Variants in ASTN2 observed in about 807,000 individuals in gnomAD.
The protein encoded by ASTN2 is astrotactin 2.
ASTN2 carries 54 observed loss-of-function variants against 139.8 expected under a neutral mutation model. The ratio of observed to expected loss-of-function variants is 0.39; its 90% CI spans 0.31 to 0.48. ASTN2 has a LOEUF of 0.48. Among genes scored for constraint, ASTN2 ranks in the 20% least tolerant of loss-of-function variants. The probability of loss-of-function intolerance (pLI) is 0.95; values close to 1 mark genes in which losing one functional copy is unlikely to be tolerated. For synonymous variants in ASTN2, 756 were observed against 719.5 expected (o/e 1.05, Z -0.81); for missense variants, 1,565 against 1,725.1 (o/e 0.91, Z 1.64).
intron 19 of ASTN2, among the ~76,000 whole-genome samples, chr9:116,495,841 G>C (rs550095203): frequency 2.0e-4 from 30 of 152,152 alleles, no homozygotes; most frequent in African/African-American, 7.2e-4. Context: ...GAATTCACGG[G>C]GTATCTCCAG....
chr9:116,733,467 G>C lies in ASTN2; in HGVS notation c.2453C>G (p.Pro818Arg). Reference protein sequence around the residue: ...PQLADGLLVIPLPVEEQCRGV... With the variant: ...PQLADGLLVIRLPVEEQCRGV... ...CCGGCACTGCTCCTCCACCGGCAGC[G>C]GGATCACCAACAGCCCATCGGCCAG... Residue 818 changes from proline to arginine, a missense_variant, in exon 14 of 23, where the codon CCG becomes CGG. Physicochemically the swap from Pro to Arg is moderately radical, Grantham distance 103. Coordinates refer to ENST00000313400, the MANE Select transcript of ASTN2 (RefSeq NM_001365068.1). The C allele has an allele frequency of 6.2e-7, 1 of 1,614,200 alleles. No homozygotes were observed. Among genetic ancestry groups the C allele is most frequent in the Non-Finnish European group, 8.5e-7 (1 of 1,180,036 alleles).
intron 17 of ASTN2, 130 bp downstream of exon 17, chr9:116,651,398 T>C (rs1857904636): frequency 2.8e-6 from 3 of 1,061,526 alleles, no homozygotes; most frequent in Non-Finnish European, 2.7e-6. Flanking sequence ...AATCAATAAA[T>C]GCTAGTAATC....
At chr9:116,766,996 A>C (rs746841044) in intron 13 of ASTN2, among the ~76,000 whole-genome samples, 5 of 152,112 alleles carry the variant, frequency 3.3e-5, no homozygotes, top group Non-Finnish European at 5.9e-5. Flanking sequence ...ATTGATAGTC[A>C]CACAAACACA....
chr9:117,332,253 T>C (rs1167366942), intron 1 of ASTN2, among the ~76,000 whole-genome samples: 1 of 152,212 alleles, frequency 6.6e-6, no homozygotes, highest in East Asian at 1.9e-4. Flanking sequence ...CTTTATAGCA[T>C]AACTTTCACA....
intron 1 of ASTN2, among the ~76,000 whole-genome samples, chr9:117,393,544 G>A (rs181680494): frequency 2.0e-5 from 3 of 152,118 alleles, no homozygotes; most frequent in African/African-American, 7.2e-5. Flanking sequence ...AGAGAGGAGA[G>A]CCTCTTGCAT....
chr9:116,879,376 CAGACA>C (rs1833391441), intron 10 of ASTN2, among the ~76,000 whole-genome samples: 2 of 115,938 alleles, frequency 1.7e-5, no homozygotes, highest in Non-Finnish European at 3.9e-5. Context: ...GACAGACAGA[CAGACA>C]GACAGAGAAT....
At chr9:116,467,269 CT>C (rs1011022029) in intron 20 of ASTN2, among the ~76,000 whole-genome samples, 12 of 123,102 alleles carry the variant, frequency 9.7e-5, no homozygotes, top group South Asian at 2.8e-4. Flanking sequence ...AGAGAGAGTC[CT>C]TTTTTTTCTT....
chr9:117,212,635 A>C (rs1309743206), intron 3 of ASTN2, among the ~76,000 whole-genome samples: 1 of 152,204 alleles, frequency 6.6e-6, no homozygotes, highest in Non-Finnish European at 1.5e-5. Context: ...AATTGTTCTG[A>C]ATAGAAATTT....
At chr9:116,584,958 A>G (rs1282689238) in intron 19 of ASTN2, 1 of 152,222 alleles carries the variant, frequency 6.6e-6, no homozygotes, top group Non-Finnish European at 1.5e-5. Context: ...TATGCCAAAT[A>G]AACGGTAGAG....
At chr9:117,055,638 C>A (rs1839037381) in intron 5 of ASTN2, among the ~76,000 whole-genome samples, 1 of 152,138 alleles carries the variant, frequency 6.6e-6, no homozygotes, top group African/African-American at 2.4e-5. Flanking sequence ...TGAAGAACAT[C>A]CTGGCTAGAA....
intron 4 of ASTN2, among the ~76,000 whole-genome samples, chr9:117,116,914 A>G (rs937079776): frequency 6.6e-6 from 1 of 150,640 alleles, no homozygotes; most frequent in African/African-American, 2.4e-5. Flanking sequence ...ACATAATGTA[A>G]GCAGAATGTC....
chr9:116,964,216 G>GGTGTGTGT (rs56209166), intron 10 of ASTN2, among the ~76,000 whole-genome samples: 78 of 140,810 alleles, frequency 5.5e-4, no homozygotes, highest in Admixed American at 8.4e-4. Flanking sequence ...ACTGCCCTGG[G>GGTGTGTGT]GTGTGTGTGT....
intron 1 of ASTN2, among the ~76,000 whole-genome samples, chr9:117,380,641 G>T (rs1830245944): frequency 6.6e-6 from 1 of 151,938 alleles, no homozygotes; most frequent in Admixed American, 6.6e-5. Flanking sequence ...TCAGGGGTGG[G>T]GCTGCTGGGT....
intron 16 of ASTN2, chr9:116,687,201 G>T: frequency 2.0e-6 from 2 of 1,015,356 alleles, no homozygotes; most frequent in Non-Finnish European, 2.4e-6. Flanking sequence ...GGGCCGCCTT[G>T]CCCCGCGCGC....
intron 1 of ASTN2, among the ~76,000 whole-genome samples, chr9:117,292,596 A>C (rs1338928805): frequency 6.6e-6 from 1 of 152,186 alleles, no homozygotes; most frequent in Non-Finnish European, 1.5e-5. Context: ...GTAGACAAGT[A>C]GTCTTAGTGG....
At chr9:117,237,992 A>G (rs547545653) in intron 2 of ASTN2, among the ~76,000 whole-genome samples, 6 of 152,278 alleles carry the variant, frequency 3.9e-5, no homozygotes, top group African/African-American at 1.2e-4. Context: ...AAGGAGGCTG[A>G]CACTGGGGCT....
chr9:117,180,487 A>C lies in ASTN2; in HGVS notation c.1015+33871T>G, dbSNP rs531161850. The C allele has an allele frequency of 6.1e-5, 36 of 586,686 alleles. No homozygotes were observed. In the African/African-American group the frequency reaches 6.5e-4, roughly 11 times the overall value. The allele number at this position is 586,686 out of a possible 1,614,324, so 36.3% of individuals were successfully genotyped here. A position where few individuals can be genotyped will look rare whatever the true frequency, so the allele number is the denominator to read the frequency against. ...CCTCTTGAGGGAAGTTCTCATCCAC[A>C]TCGTCAGCACATTTGAATGCCATTT... On this transcript the variant is annotated intron_variant, in intron 3 of 22. Transcript: ENST00000313400.
chr9:117,330,108 T>C (rs1017030878), intron 1 of ASTN2, among the ~76,000 whole-genome samples: 2 of 152,172 alleles, frequency 1.3e-5, no homozygotes, highest in Non-Finnish European at 2.9e-5. Context: ...TCTTTACCCA[T>C]GGTTTTCTCC....
In ASTN2 at chr9:116,914,547, T is replaced by TTTTTTATTATTA. The variant is rs1554760026; in HGVS notation, c.1890-50815_1890-50814insTAATAATAAAAA. On this transcript the variant is annotated intron_variant, in intron 10 of 22. Transcript: ENST00000313400. ...CTCTGTGCCAGACACTGTAAAGTGT[T>TTTTTTATTATTA]TTATTATTATTATTATTATTATTAT... Among the ~76,000 whole-genome samples the TTTTTTATTATTA allele has an allele frequency of 3.2e-3, 477 of 146,908 alleles. 2 individuals carry two copies. The highest frequency in any genetic ancestry group is 0.012 in the African/African-American group (465 of 40,090).
Sources: gnomAD v4.1 joint callset for allele counts (sites outside exome capture counted in the v4.1 genomes callset) on GRCh38, gnomAD v4.1.1 for gene constraint, MANE v1.5 for transcripts, NCBI Gene and HGNC (gene_info 2026-07-23, HGNC 2026-07-21) for gene names.